CACHD1: variants seen among roughly 807,000 people sequenced by gnomAD.
CACHD1 encodes VWFA and cache domain-containing protein 1.
In CACHD1, 71 loss-of-function variants were observed where a neutral mutation model predicts 138.7. The observed-to-expected ratio is 0.51, with a 90% CI of 0.42 to 0.62. The LOEUF is 0.62. Among genes scored for constraint, CACHD1 ranks in the 20% least tolerant of loss-of-function variants. CACHD1 has a pLI of 0.00. For synonymous variants in CACHD1, 578 were observed against 591.5 expected (o/e 0.98, Z 0.33); for missense variants, 1,389 against 1,625.3 (o/e 0.85, Z 2.50).
At chr1:64,588,966 C>T (rs1647075548) in intron 3 of CACHD1, among the ~76,000 whole-genome samples, 1 of 152,158 alleles carries the variant, frequency 6.6e-6, no homozygotes, top group Non-Finnish European at 1.5e-5. Flanking sequence ...ATTAAGGCAT[C>T]TGTCTGGCTT....
intron 1 of CACHD1, among the ~76,000 whole-genome samples, chr1:64,537,478 A>G (rs1646642252): frequency 6.6e-6 from 1 of 152,180 alleles, no homozygotes; most frequent in African/African-American, 2.4e-5. Flanking sequence ...TCAAGGACCC[A>G]ACTTGAACTT....
intron 2 of CACHD1, among the ~76,000 whole-genome samples, chr1:64,569,143 A>G (rs1024350670): frequency 1.3e-5 from 2 of 150,946 alleles, no homozygotes; most frequent in African/African-American, 4.9e-5. Flanking sequence ...CTGGTCTCGA[A>G]CTCCCGACAT....
At chr1:64,503,160 G>T (rs1021705916) in intron 1 of CACHD1, among the ~76,000 whole-genome samples, 2 of 152,094 alleles carry the variant, frequency 1.3e-5, no homozygotes, top group African/African-American at 4.8e-5. Flanking sequence ...ACCAAAGCCG[G>T]CTTTTGATAG....
At chr1:64,662,486 CA>C (rs1649475889) in intron 13 of CACHD1, among the ~76,000 whole-genome samples, 2 of 152,158 alleles carry the variant, frequency 1.3e-5, no homozygotes, top group African/African-American at 4.8e-5. Context: ...TCTTAGGCCT[CA>C]AGCTATTTCT....
In CACHD1 at chr1:64,634,057, C is replaced by T; in HGVS notation, c.803C>T (p.Thr268Ile). ...IDEHDKISVLTVADTVRTCSL... is the reference protein window; with the variant it reads ...IDEHDKISVLIVADTVRTCSL... The stretch of plus-strand genomic sequence containing the variant: ...TCTTTCCTGCAGATTTCTGTGTTAA[C>T]TGTGGCAGATACCGTCCGGACTTGC... The change falls in exon 7 of 27, where the codon ACT becomes ATT. Residue 268 changes from threonine to isoleucine, a missense_variant. Physicochemically the swap from Thr to Ile is moderately conservative, Grantham distance 89 (BLOSUM62 -1). Transcript: ENST00000651257. 1 of 1,569,014 alleles carries T rather than the reference C, an allele frequency of 6.4e-7. No homozygotes were observed. The highest frequency in any genetic ancestry group is 1.1e-5 in the South Asian group (1 of 89,722).
chr1:64,514,229 A>T (rs1026869373), intron 1 of CACHD1, among the ~76,000 whole-genome samples: 1 of 152,228 alleles, frequency 6.6e-6, no homozygotes, highest in African/African-American at 2.4e-5. Context: ...TCTTCAGCTA[A>T]AAGTGAAACC....
chr1:64,637,270 T>C lies in CACHD1; in HGVS notation c.1006+3010T>C, dbSNP rs1648557711. ...GTCCACAGTGGCCAGGCAGCGCATT[T>C]GAGTCAAGTGAGCTGGGGGAAGGTA... On this transcript the variant is annotated intron_variant, in intron 7 of 26. Transcript: ENST00000651257. 2.6e-5 allele frequency among the ~76,000 whole-genome samples: 4 copies of C among 152,322 alleles called. No homozygotes were observed. In the South Asian group the frequency reaches 8.3e-4, roughly 32 times the overall value.
At chr1:64,516,659 C>T (rs1476833263) in intron 1 of CACHD1, among the ~76,000 whole-genome samples, 1 of 152,210 alleles carries the variant, frequency 6.6e-6, no homozygotes, top group Non-Finnish European at 1.5e-5. Flanking sequence ...TAGCTTATTA[C>T]TCACACATTG....
intron 5 of CACHD1, among the ~76,000 whole-genome samples, chr1:64,630,217 A>G (rs992713151): frequency 6.6e-6 from 1 of 151,946 alleles, no homozygotes; most frequent in African/African-American, 2.4e-5. Flanking sequence ...CTACACAATT[A>G]CTTTAGCTTC....
At chr1:64,566,333 C>A (rs562631184) in intron 2 of CACHD1, among the ~76,000 whole-genome samples, 1 of 152,094 alleles carries the variant, frequency 6.6e-6, no homozygotes, top group Non-Finnish European at 1.5e-5. Flanking sequence ...AATTAATAAT[C>A]CTCAAAAACA....
At position 64,487,848 on chromosome 1, in the gene CACHD1, ATG is replaced by A. The variant is rs1455097201; in HGVS notation, c.198+16909_198+16910del. On this transcript the variant is annotated intron_variant, in intron 1 of 26. Transcript: ENST00000651257. ...TATAATTTCAACTTTTTGTGAGGTG[ATG>A]TGATTGTGGTTTGGAATTGTCCATG... Among the ~76,000 whole-genome samples, 11 of 152,296 alleles carry A rather than the reference ATG, an allele frequency of 7.2e-5. No individual in the cohort carries two copies. The South Asian group carries it at 1.2e-3, about 17-fold the overall frequency.
intron 3 of CACHD1, among the ~76,000 whole-genome samples, chr1:64,588,497 C>T (rs1239345288): frequency 6.6e-6 from 1 of 151,726 alleles, no homozygotes; most frequent in African/African-American, 2.4e-5. Context: ...TCTCATGCCT[C>T]AGCCTGCTGA....
intron 1 of CACHD1, among the ~76,000 whole-genome samples, chr1:64,475,128 G>C (rs988744873): frequency 6.7e-6 from 1 of 150,352 alleles, no homozygotes; most frequent in African/African-American, 2.4e-5. Flanking sequence ...AAAGAGCAAC[G>C]CTTCTTTGTA....
At chr1:64,630,117 C>G (rs1200383031) in intron 5 of CACHD1, among the ~76,000 whole-genome samples, 4 of 152,164 alleles carry the variant, frequency 2.6e-5, no homozygotes, top group African/African-American at 9.7e-5. Flanking sequence ...TTAATCCTGA[C>G]AGTTTCCTGT....
In CACHD1 at chr1:64,486,341, A is replaced by G. The variant is rs1646241822; in HGVS notation, c.198+15399A>G. On this transcript the variant is annotated intron_variant, in intron 1 of 26. Coordinates refer to ENST00000651257, the MANE Select transcript of CACHD1 (RefSeq NM_020925.4). ...CATATTCATTTATTGTCAAGTTTTG[A>G]GAGCGCGCGCACACACACACACACA... Among the ~76,000 whole-genome samples, 3 of 133,788 alleles carry G rather than the reference A, an allele frequency of 2.2e-5. No homozygotes were observed. The South Asian group carries it at 7.2e-4, about 32-fold the overall frequency. The allele number at this position is 133,788 out of a possible 152,430, so 87.8% of individuals were successfully genotyped here. A position where few individuals can be genotyped will look rare whatever the true frequency, so the allele number is the denominator to read the frequency against.
intron 4 of CACHD1, among the ~76,000 whole-genome samples, chr1:64,616,512 G>T (rs1440888246): frequency 2.0e-5 from 3 of 152,184 alleles, no homozygotes; most frequent in Non-Finnish European, 4.4e-5. Flanking sequence ...TGTGCTTGTG[G>T]CAAGCATGCA....
chr1:64,630,165 C>G (rs981160065), intron 5 of CACHD1, among the ~76,000 whole-genome samples: 2 of 152,220 alleles, frequency 1.3e-5, no homozygotes, highest in African/African-American at 2.4e-5. Flanking sequence ...ACATCTGGAG[C>G]TCTAGTGCAG....
chr1:64,647,980 C>T lies in CACHD1; in HGVS notation c.1336C>T (p.Arg446Trp), dbSNP rs372292516. The T allele has an allele frequency of 1.1e-5, 18 of 1,613,828 alleles. No individual in the cohort carries two copies. Among genetic ancestry groups the T allele is most frequent in the East Asian group, 1.1e-4 (5 of 44,868 alleles). Residue 446 changes from arginine (R) to tryptophan (W), a missense_variant, in exon 9 of 27, where the codon CGG (arginine) becomes TGG (tryptophan). Physicochemically the swap from Arg to Trp is moderately radical, Grantham distance 101. Coordinates refer to ENST00000651257, the MANE Select transcript of CACHD1 (RefSeq NM_020925.4). ...VGRFYTNLPN[R>W]MIDEAVFSLP... ...CAGGTTCTACACAAACCTTCCCAAC[C>T]GGATGATTGATGAAGCCGTCTTCAG...
intron 1 of CACHD1, among the ~76,000 whole-genome samples, chr1:64,524,314 T>A (rs1420577413): frequency 4.6e-5 from 7 of 152,232 alleles, no homozygotes; most frequent in Non-Finnish European, 8.8e-5. Flanking sequence ...TGAATGAATA[T>A]TGATTACTGT....
Sources: gnomAD v4.1 joint callset for allele counts (sites outside exome capture counted in the v4.1 genomes callset) on GRCh38, gnomAD v4.1.1 for gene constraint, MANE v1.5 for transcripts, NCBI Gene and HGNC (gene_info 2026-07-23, HGNC 2026-07-21) for gene names.